Variants in POC1B observed in about 807,000 individuals in gnomAD.
POC1B encodes POC1 centriolar protein homolog B.
Under a neutral mutation model 60.6 loss-of-function variants are expected in POC1B, and 44 were observed. That is an observed-to-expected ratio of 0.73 (90% CI 0.57 to 0.93). The LOEUF (loss-of-function observed/expected upper bound fraction) is 0.93. Ranked by LOEUF, POC1B falls within the 40% of genes least tolerant of loss-of-function variation. The probability of loss-of-function intolerance (pLI) is 0.00; values close to 1 mark genes in which losing one functional copy is unlikely to be tolerated. For missense variants in POC1B, 555 were observed against 572.3 expected, an observed-to-expected ratio of 0.97 and a Z score of 0.31; for synonymous variants, 180 against 198.9, an observed-to-expected ratio of 0.90 and a Z score of 0.80.
intron 4 of POC1B, among the ~76,000 whole-genome samples, chr12:89,476,436 T>TG (rs1883107722): frequency 6.6e-6 from 1 of 152,180 alleles, no homozygotes; most frequent in South Asian, 2.1e-4. Flanking sequence ...AGGCCACGTG[T>TG]GGTGGCTCAT....
Position 89,487,420 on chromosome 12 carries a change from G to A in POC1B, c.452+4516C>T, listed in dbSNP as rs17016945. On this transcript the variant is annotated intron_variant, in intron 4 of 11. Transcript: ENST00000313546. Reference sequence around the variant, plus strand: ...AGAACATTTTCAGTGACTCCTCCCCGGTTCCAGAGTTTCTCCCTAAATAGC... The same window carrying A: ...AGAACATTTTCAGTGACTCCTCCCCAGTTCCAGAGTTTCTCCCTAAATAGC... 8.7e-3 allele frequency among the ~76,000 whole-genome samples: 1,331 copies of A among 152,228 alleles called. 21 individuals carry two copies. Among genetic ancestry groups the A allele is most frequent in the African/African-American group, 0.031 (1,281 of 41,524 alleles).
At chr12:89,469,889 T>C (rs1285905523) in intron 7 of POC1B, among the ~76,000 whole-genome samples, 8 of 152,050 alleles carry the variant, frequency 5.3e-5, no homozygotes, top group Non-Finnish European at 1.2e-4. Context: ...TTTTTTTTTT[T>C]TGACAGTCTT....
chr12:89,493,460 A>T (rs1448501943), intron 3 of POC1B, among the ~76,000 whole-genome samples: 1 of 152,192 alleles, frequency 6.6e-6, no homozygotes, highest in African/African-American at 2.4e-5. Context: ...GTCTGTAGGG[A>T]GGAAAGGTAA....
chr12:89,413,770 T>C, the POC1B span, among the ~76,000 whole-genome samples: 41 of 152,208 alleles, frequency 2.7e-4, no homozygotes, highest in Non-Finnish European at 5.4e-4. Flanking sequence ...TTTTTACATA[T>C]ATGTTAAGTC....
the POC1B span, among the ~76,000 whole-genome samples, chr12:89,403,880 C>T: frequency 1.3e-5 from 2 of 152,152 alleles, no homozygotes; most frequent in Non-Finnish European, 2.9e-5. Context: ...CACCTCTAAT[C>T]CCAGCACTTT....
chr12:89,491,784 T>C, intron 4 of POC1B, 152 bp downstream of exon 4: 1 of 556,306 alleles, frequency 1.8e-6, no homozygotes, highest in Non-Finnish European at 2.9e-6. Context: ...CACTATTTTG[T>C]TTACTACCGT....
At position 89,421,011 on chromosome 12, in the gene POC1B, C is replaced by T. The variant is rs1484951616; in HGVS notation, c.*142G>A. ...AGGTATGCCTTTTCTGCCTTTTGTT[C>T]TGTTGCTCACCCTTTTAAGAAATGC... On this transcript the variant is annotated 3_prime_UTR_variant, in exon 12 of 12. Transcript: ENST00000313546. The T allele has an allele frequency of 5.3e-6, 3 of 567,788 alleles. No individual in the cohort carries two copies. In the Admixed American group the frequency reaches 8.8e-5, roughly 17 times the overall value. The allele number at this position is 567,788 out of a possible 1,614,324, so 35.2% of individuals were successfully genotyped here.
intron 3 of POC1B, among the ~76,000 whole-genome samples, chr12:89,496,434 G>T (rs1869248535): frequency 6.6e-6 from 1 of 152,102 alleles, no homozygotes; most frequent in African/African-American, 2.4e-5. Context: ...AGTGAGGGGA[G>T]GTGTAGATGA....
At chr12:89,497,091 T>G (rs1004132517) in intron 3 of POC1B, 80 bp downstream of exon 3, 3 of 1,428,048 alleles carry the variant, frequency 2.1e-6, no homozygotes, top group Non-Finnish European at 2.9e-6. Flanking sequence ...CAGGCAGCAG[T>G]GCATGAGCAG....
chr12:89,471,870 T>C, intron 5 of POC1B, 141 bp from the exon 6 acceptor site: 1 of 589,838 alleles, frequency 1.7e-6, no homozygotes, highest in Non-Finnish European at 2.9e-6. Flanking sequence ...TGGGTTCAAG[T>C]GATTCTTCCA....
At chr12:89,471,529 C>G (rs1009444206) in intron 6 of POC1B, 85 bp downstream of exon 6, 6 of 1,112,624 alleles carry the variant, frequency 5.4e-6, no homozygotes, top group Middle Eastern at 2.5e-4. Flanking sequence ...CCAAGTAAGA[C>G]AGCCAAACCA....
At chr12:89,451,339 G>C (rs1387568501) in intron 10 of POC1B, among the ~76,000 whole-genome samples, 2 of 152,188 alleles carry the variant, frequency 1.3e-5, no homozygotes, top group Non-Finnish European at 2.9e-5. Flanking sequence ...TATGAGCTTT[G>C]TAGTGGCCAT....
At chr12:89,501,922 GA>G in intron 2 of POC1B, 1 of 1,124,320 alleles carries the variant, frequency 8.9e-7, no homozygotes, top group South Asian at 1.2e-5. Flanking sequence ...CATTGGTCAT[GA>G]TGAAATTTCC....
chr12:89,467,326 GC>G (rs1032496358), intron 8 of POC1B, among the ~76,000 whole-genome samples: 1 of 152,022 alleles, frequency 6.6e-6, no homozygotes, highest in African/African-American at 2.4e-5. Context: ...TTAAGATAAG[GC>G]AATGATTCAA....
intron 10 of POC1B, among the ~76,000 whole-genome samples, chr12:89,446,023 T>C: frequency 6.6e-6 from 1 of 152,194 alleles, no homozygotes; most frequent in Admixed American, 6.5e-5. Flanking sequence ...TCACTGGCTG[T>C]CAGAGAAATG....
In POC1B at chr12:89,474,404, A is replaced by G. The variant is rs1241716516; in HGVS notation, c.453-2129T>C. Among the ~76,000 whole-genome samples the G allele has an allele frequency of 3.3e-5, 5 of 152,236 alleles. No homozygotes were observed. The East Asian group carries it at 9.6e-4, about 29-fold the overall frequency. On this transcript the variant is annotated intron_variant, in intron 4 of 11. Transcript: ENST00000313546. ...TAATAAAATGAAATGCTTAGATAAT[A>G]ACAAAATATAGAAGTACTTACCCTA...
At chr12:89,478,488 C>T (rs1179734210) in intron 4 of POC1B, among the ~76,000 whole-genome samples, 2 of 152,106 alleles carry the variant, frequency 1.3e-5, no homozygotes, top group Non-Finnish European at 2.9e-5. Context: ...GAAGAGGCAA[C>T]TCACATCTGT....
intron 9 of POC1B, among the ~76,000 whole-genome samples, chr12:89,462,674 C>A (rs921668006): frequency 6.6e-6 from 1 of 152,048 alleles, no homozygotes. Flanking sequence ...TATATTGAAG[C>A]ATTACATCAA....
intron 2 of POC1B, among the ~76,000 whole-genome samples, chr12:89,516,057 A>G (rs1040643640): frequency 6.6e-6 from 1 of 152,078 alleles, no homozygotes; most frequent in Admixed American, 6.6e-5. Flanking sequence ...TTTGATAACT[A>G]AGTTCACATG....
Sources: gnomAD v4.1 joint callset for allele counts (sites outside exome capture counted in the v4.1 genomes callset) on GRCh38, gnomAD v4.1.1 for gene constraint, MANE v1.5 for transcripts, NCBI Gene and HGNC (gene_info 2026-07-23, HGNC 2026-07-21) for gene names.